Variants in CNTN6 observed in about 807,000 individuals in gnomAD.
The protein encoded by CNTN6 is contactin 6, also known as contactin-6.
In CNTN6, 137 loss-of-function variants were observed where a neutral mutation model predicts 122.8. That is an observed-to-expected ratio of 1.12 (90% CI 0.97 to 1.29). The LOEUF is 1.29. CNTN6 is among the 50% of genes most tolerant of loss of function. The pLI, the probability that CNTN6 is intolerant of heterozygous loss-of-function variation, is 0.00. For synonymous variants in CNTN6, 570 were observed against 426.0 expected, an observed-to-expected ratio of 1.34 and a Z score of -4.16; for missense variants, 1,634 against 1,223.4, an observed-to-expected ratio of 1.34 and a Z score of -5.01.
At chr3:1,252,890 C>G (rs1263222670) in intron 4 of CNTN6, among the ~76,000 whole-genome samples, 1 of 152,052 alleles carries the variant, frequency 6.6e-6, no homozygotes. Flanking sequence ...TTGACTCAAC[C>G]CAGGGCATAA....
rs543139015 is a variant in CNTN6 at position 1,151,667 on chromosome 3, C to T, written c.55+3604C>T. 1.3e-4 allele frequency among the ~76,000 whole-genome samples: 20 copies of T among 152,262 alleles called. No individual in the cohort carries two copies. The East Asian group carries it at 3.9e-3, about 29-fold the overall frequency. ...TTGATGTTGACCTTCAACAATAGGTCCATAGTCCCTGCCCTCTTCAACCTG... is the reference window on the plus strand; with the variant it reads ...TTGATGTTGACCTTCAACAATAGGTTCATAGTCCCTGCCCTCTTCAACCTG... On this transcript the variant is annotated intron_variant, in intron 2 of 22. Coordinates refer to ENST00000446702, the MANE Select transcript of CNTN6 (RefSeq NM_001289080.2).
At chr3:1,114,025 G>A (rs1282246722) in intron 1 of CNTN6, among the ~76,000 whole-genome samples, 1 of 152,128 alleles carries the variant, frequency 6.6e-6, no homozygotes, top group East Asian at 1.9e-4. Context: ...GATAGCACAA[G>A]TATTACAGAA....
intron 7 of CNTN6, among the ~76,000 whole-genome samples, chr3:1,305,256 T>G (rs1266876798): frequency 6.6e-6 from 1 of 152,134 alleles, no homozygotes. Flanking sequence ...GGTGAAGTGT[T>G]TACTCATATA....
intron 5 of CNTN6, among the ~76,000 whole-genome samples, chr3:1,285,933 G>T (rs928199843): frequency 6.6e-6 from 1 of 152,200 alleles, no homozygotes; most frequent in East Asian, 1.9e-4. Context: ...GAACCAGGAA[G>T]CTCATGGCTC....
intron 12 of CNTN6, among the ~76,000 whole-genome samples, chr3:1,358,937 G>A (rs1707039639): frequency 6.6e-6 from 1 of 151,950 alleles, no homozygotes; most frequent in Non-Finnish European, 1.5e-5. Flanking sequence ...GCATATGCCT[G>A]TTGTCCCAGC....
chr3:1,229,498 C>T (rs1167495817), intron 4 of CNTN6, among the ~76,000 whole-genome samples: 2 of 152,084 alleles, frequency 1.3e-5, no homozygotes, highest in Non-Finnish European at 2.9e-5. Flanking sequence ...TATCTACTCT[C>T]GAAAACAGTT....
chr3:1,111,753 G>A (rs1402020422), intron 1 of CNTN6, among the ~76,000 whole-genome samples: 1 of 152,112 alleles, frequency 6.6e-6, no homozygotes, highest in African/African-American at 2.4e-5. Flanking sequence ...AGCGGATGTT[G>A]TGGTAAAAAG....
chr3:1,110,143 CA>C (rs138434023), intron 1 of CNTN6, among the ~76,000 whole-genome samples: 5,883 of 152,086 alleles, frequency 0.039, 405 homozygotes, highest in African/African-American at 0.14. Flanking sequence ...CAGGTGCATT[CA>C]AAAGGCAGTG....
At chr3:1,289,794 T>C (rs1263028593) in intron 5 of CNTN6, among the ~76,000 whole-genome samples, 1 of 151,438 alleles carries the variant, frequency 6.6e-6, no homozygotes, top group Non-Finnish European at 1.5e-5. Flanking sequence ...CCTGCCTCAG[T>C]CTCCCCAGCA....
chr3:1,352,411 G>C lies in CNTN6; in HGVS notation c.1452G>C (p.Gln484His). Residue 484 changes from glutamine (Q) to histidine (H), a missense_variant, in exon 12 of 23, where the codon CAG becomes CAC. Transcript: ENST00000446702. ...AGSYTCIATN[Q>H]FGTAKNTGSL... ...CATATACATGCATAGCCACAAATCAGTTTGGCACTGCAAAGAACACTGGCA... is the reference window on the plus strand; with the variant it reads ...CATATACATGCATAGCCACAAATCACTTTGGCACTGCAAAGAACACTGGCA... The C allele has an allele frequency of 1.2e-6, 2 of 1,609,516 alleles. No homozygotes were observed. The highest frequency in any genetic ancestry group is 1.1e-5 in the South Asian group (1 of 90,900).
chr3:1,210,579 A>G (rs1226775562), intron 2 of CNTN6, among the ~76,000 whole-genome samples: 2 of 152,176 alleles, frequency 1.3e-5, no homozygotes, highest in Non-Finnish European at 2.9e-5. Flanking sequence ...CAGGGAGGGT[A>G]GAGCTTTTAT....
chr3:1,236,016 C>T (rs1327995507), intron 4 of CNTN6, among the ~76,000 whole-genome samples: 1 of 152,074 alleles, frequency 6.6e-6, no homozygotes, highest in Non-Finnish European at 1.5e-5. Context: ...ATAACTCCAT[C>T]GGACTGGGAA....
chr3:1,374,761 T>A (rs905279437), intron 16 of CNTN6, among the ~76,000 whole-genome samples: 1 of 152,112 alleles, frequency 6.6e-6, no homozygotes, highest in Non-Finnish European at 1.5e-5. Context: ...AAGGATCACT[T>A]GTCATGGCTA....
intron 1 of CNTN6, among the ~76,000 whole-genome samples, chr3:1,115,718 C>T (rs1017406383): frequency 2.6e-5 from 4 of 152,144 alleles, no homozygotes; most frequent in African/African-American, 7.2e-5. Context: ...TGCCACTGCA[C>T]TCCCACATGG....
rs140799714 is a variant in CNTN6 at position 1,117,189 on chromosome 3, G to A, written c.-83+24069G>A. On this transcript the variant is annotated intron_variant, in intron 1 of 22. Transcript: ENST00000446702. ...GGTTTATTTGGCTTCTTAAACACAC[G>A]TGTGCATTACTTTTATATAAATATA... Among the ~76,000 whole-genome samples, 472 of 152,226 alleles carry A rather than the reference G, an allele frequency of 3.1e-3. 2 individuals are homozygous for A. Among genetic ancestry groups the A allele is most frequent in the African/African-American group, 0.011 (447 of 41,522 alleles).
chr3:1,207,019 A>G (rs559325001), intron 2 of CNTN6, among the ~76,000 whole-genome samples: 1 of 152,152 alleles, frequency 6.6e-6, no homozygotes, highest in South Asian at 2.1e-4. Context: ...TATACACTCA[A>G]TCCGATGATC....
intron 2 of CNTN6, among the ~76,000 whole-genome samples, chr3:1,182,299 C>T (rs1486516432): frequency 6.6e-6 from 1 of 152,146 alleles, no homozygotes; most frequent in African/African-American, 2.4e-5. Flanking sequence ...TGATGATGAG[C>T]ATCTTTGTTC....
rs532312550 is a variant in CNTN6, at chr3:1,388,399, A to G, written c.2704+2602A>G. 7.2e-4 allele frequency among the ~76,000 whole-genome samples: 109 copies of G among 150,778 alleles called. 1 individual carries two copies. The highest frequency in any genetic ancestry group is 2.5e-3 in the African/African-American group (102 of 41,154). ...ACAAACAGAAAGGACATCCACACCA[A>G]AAACCCATCTGTACATCACCATCAT... On this transcript the variant is annotated intron_variant, in intron 20 of 22. Transcript: ENST00000446702.
rs763314649 is a variant in CNTN6, at chr3:1,278,477, G to T, written c.423G>T (p.Val141=). 2 of 1,612,470 alleles carry T rather than the reference G, an allele frequency of 1.2e-6. No individual in the cohort carries two copies. The highest frequency in any genetic ancestry group is 2.2e-5 in the South Asian group (2 of 90,934). ...CTGTCCGAGAAGGTCAAGGTGTGGT[G>T]CTTCTCTGTGGCCCACCGCCACATT... ...TVSVREGQGV[V]LLCGPPPHFG... Residue 141 remains valine (V), a synonymous_variant, in exon 5 of 23, where the codon GTG becomes GTT. Transcript: ENST00000446702.
Sources: allele counts gnomAD v4.1 joint callset (sites outside exome capture counted in the v4.1 genomes callset), GRCh38; gene constraint gnomAD v4.1.1; transcripts MANE v1.5; gene names NCBI Gene and HGNC (gene_info 2026-07-23, HGNC 2026-07-21).